MED6: variants seen among roughly 807,000 people sequenced by gnomAD.
The protein encoded by MED6 is mediator complex subunit 6, also known as mediator of RNA polymerase II transcription subunit 6.
In MED6, 33 loss-of-function variants were observed where a neutral mutation model predicts 37.5. The ratio of observed to expected loss-of-function variants is 0.88; its 90% CI spans 0.67 to 1.18. MED6 has a LOEUF of 1.18. Among genes scored for constraint, MED6 ranks in the 50% most tolerant of loss-of-function variants. The pLI is 0.00. For synonymous variants in MED6, 94 were observed against 93.6 expected, an observed-to-expected ratio of 1.00 and a Z score of -0.02; for missense variants, 235 against 290.6, an observed-to-expected ratio of 0.81 and a Z score of 1.39.
At chr14:70,586,253 A>T (rs1156808163) in intron 6 of MED6, among the ~76,000 whole-genome samples, 1 of 152,230 alleles carries the variant, frequency 6.6e-6, no homozygotes, top group East Asian at 1.9e-4. Context: ...TGGAGGGAAA[A>T]GAGATTTCTG....
At chr14:70,587,830 G>C (rs1321576115) in intron 6 of MED6, among the ~76,000 whole-genome samples, 3 of 152,146 alleles carry the variant, frequency 2.0e-5, no homozygotes, top group Admixed American at 6.5e-5. Flanking sequence ...CTCATAAAAG[G>C]CTCCAAGGAC....
chr14:70,586,642 T>C (rs1022762428), intron 6 of MED6, among the ~76,000 whole-genome samples: 4 of 152,248 alleles, frequency 2.6e-5, no homozygotes, highest in African/African-American at 9.6e-5. Context: ...TCCATCTGTG[T>C]GCTGAATCTT....
intron 2 of MED6, among the ~76,000 whole-genome samples, chr14:70,597,239 GCTC>G (rs1401641852): frequency 1.3e-5 from 2 of 152,072 alleles, no homozygotes; most frequent in African/African-American, 4.8e-5. Context: ...AATTTTATAA[GCTC>G]CTCCTCAATA....
At chr14:70,595,382 C>A in intron 3 of MED6, 1 of 569,508 alleles carries the variant, frequency 1.8e-6, no homozygotes, top group South Asian at 1.6e-5. Context: ...CCACAGTGGT[C>A]ACTATGCAGT....
rs755740275 is a variant in MED6, at chr14:70,596,603, C to A, written c.274+8G>T. On this transcript the variant is annotated splice_region_variant and intron_variant, in intron 3 of 7. Coordinates refer to ENST00000256379, the MANE Select transcript of MED6 (RefSeq NM_005466.4). ...AAGAAAACAATGCCTAAAGTTTACA[C>A]ATTTTACCTTGGGCAGGGGACTGCC... 1.5e-5 allele frequency: 24 copies of A among 1,600,862 alleles called. No homozygotes were observed. In the South Asian group the frequency reaches 2.4e-4, roughly 16 times the overall value.
chr14:70,591,571 G>A, intron 5 of MED6, 190 bp from the exon 6 acceptor site: 1 of 495,072 alleles, frequency 2.0e-6, no homozygotes, highest in South Asian at 2.6e-5. Flanking sequence ...CCTCTTAACT[G>A]AAGTTAAATT....
chr14:70,589,617 T>C (rs1422893272), intron 6 of MED6, among the ~76,000 whole-genome samples: 2 of 152,214 alleles, frequency 1.3e-5, no homozygotes, highest in East Asian at 3.8e-4. Context: ...AAAATAACTC[T>C]GAATGCATCT....
chr14:70,584,374 ATATCT>A lies in MED6; in HGVS notation c.*434_*438del. The A allele has an allele frequency of 2.2e-6, 1 of 453,482 alleles. No individual in the cohort carries two copies. Among genetic ancestry groups the A allele is most frequent in the South Asian group, 3.8e-5 (1 of 26,568 alleles). 28.1% of individuals were successfully genotyped at this position (453,482 alleles called of 1,614,324 possible). A position where few individuals can be genotyped will look rare whatever the true frequency, so the allele number is the denominator to read the frequency against. The stretch of plus-strand genomic sequence containing the variant: ...TTCACAAGAAATCATGATGGGAATA[ATATCT>A]TTTCTTCTTTTTTGAGACAAAGTCT... On this transcript the variant is annotated 3_prime_UTR_variant, in exon 8 of 8. Coordinates refer to ENST00000256379, the MANE Select transcript of MED6 (RefSeq NM_005466.4).
rs1236123077 is a variant in MED6, at chr14:70,584,186, G to A, written c.*627C>T. ...CTTTAACATCCTTTATGTCTTCAAA[G>A]TGCATCTGAAAAATATCAGTTATGA... On this transcript the variant is annotated 3_prime_UTR_variant, in exon 8 of 8. Coordinates refer to ENST00000256379, the MANE Select transcript of MED6 (RefSeq NM_005466.4). The A allele has an allele frequency of 2.7e-6, 2 of 754,052 alleles. No homozygotes were observed. The highest frequency in any genetic ancestry group is 4.9e-5 in the East Asian group (2 of 40,966). The allele number at this position is 754,052 out of a possible 1,614,324, so 46.7% of individuals were successfully genotyped here.
intron 1 of MED6, among the ~76,000 whole-genome samples, chr14:70,600,040 C>T (rs1219844789): frequency 2.0e-5 from 3 of 152,102 alleles, no homozygotes; most frequent in Non-Finnish European, 2.9e-5. Flanking sequence ...CATCTCCATA[C>T]ATTTATTCAC....
intron 6 of MED6, among the ~76,000 whole-genome samples, 187 bp downstream of exon 6, chr14:70,591,079 T>C (rs1484157507): frequency 1.3e-5 from 2 of 152,224 alleles, no homozygotes; most frequent in Admixed American, 1.3e-4. Context: ...ACAGTGTTAA[T>C]TCCATTCCAT....
chr14:70,596,519 C>T (rs1433404691), intron 3 of MED6, 92 bp downstream of exon 3: 5 of 974,566 alleles, frequency 5.1e-6, no homozygotes, highest in Non-Finnish European at 7.8e-6. Flanking sequence ...ACCCCCCAAA[C>T]AGAAACCAAT....
chr14:70,591,722 C>T (rs947129504), intron 5 of MED6: 2 of 178,880 alleles, frequency 1.1e-5, no homozygotes, highest in South Asian at 1.3e-4. Flanking sequence ...TTGAAATTAC[C>T]TTTGTTATTT....
At chr14:70,592,359 A>G (rs1176014623) in intron 5 of MED6, among the ~76,000 whole-genome samples, 1 of 151,972 alleles carries the variant, frequency 6.6e-6, no homozygotes, top group African/African-American at 2.4e-5. Flanking sequence ...AATCTCTCTC[A>G]TCTCCTCTGC....
intron 6 of MED6, among the ~76,000 whole-genome samples, chr14:70,589,325 T>C (rs934547365): frequency 2.0e-5 from 3 of 152,154 alleles, no homozygotes; most frequent in Admixed American, 1.3e-4. Context: ...TTAAGTGCCC[T>C]GACTCCAAAC....
chr14:70,584,922 G>C lies in MED6; in HGVS notation c.632C>G (p.Ala211Gly). Residue 211 changes from alanine to glycine, a missense_variant, in exon 8 of 8, where the codon GCA becomes GGA. Coordinates refer to ENST00000256379, the MANE Select transcript of MED6 (RefSeq NM_005466.4). ...PVPVDQTKKE[A>G]EPIPETVKPE... The stretch of plus-strand genomic sequence containing the variant: ...TTTTACAGTTTCTGGTATAGGTTCT[G>C]CCTCTTTCTTTGTTTGATCCACTAG... The C allele has an allele frequency of 2.5e-6, 4 of 1,613,840 alleles. 1 individual carries two copies. The South Asian group carries it at 4.4e-5, about 18-fold the overall frequency.
Position 70,591,399 on chromosome 14 carries a change from C to T in MED6, c.467-18G>A, listed in dbSNP as rs1177734999. 6.3e-7 allele frequency: 1 copy of T among 1,576,040 alleles called. No homozygotes were observed. Among genetic ancestry groups the T allele is most frequent in the Non-Finnish European group, 8.6e-7 (1 of 1,158,366 alleles). On this transcript the variant is annotated intron_variant, in intron 5 of 7. Coordinates refer to ENST00000256379, the MANE Select transcript of MED6 (RefSeq NM_005466.4). The stretch of plus-strand genomic sequence containing the variant: ...GACTTTATCTATTAAAATACGAAGT[C>T]CAAATCAAAACATTGCCTACTTAGT...
chr14:70,586,302 G>C (rs1884705363), intron 6 of MED6, among the ~76,000 whole-genome samples: 1 of 152,150 alleles, frequency 6.6e-6, no homozygotes, highest in African/African-American at 2.4e-5. Flanking sequence ...AGGAAAAAAA[G>C]ATAAGAGCAT....
At chr14:70,597,928 G>A in intron 1 of MED6, 151 bp from the exon 2 acceptor site, 1 of 475,324 alleles carries the variant, frequency 2.1e-6, no homozygotes, top group Non-Finnish European at 3.5e-6. Context: ...TAACAGAAGA[G>A]ATTATGCAAG....
Sources: gnomAD v4.1 joint callset for allele counts (sites outside exome capture counted in the v4.1 genomes callset) on GRCh38, gnomAD v4.1.1 for gene constraint, MANE v1.5 for transcripts, NCBI Gene and HGNC (gene_info 2026-07-23, HGNC 2026-07-21) for gene names.